The following LPP variants were observed in gnomAD, a reference collection of about 807,000 sequenced individuals.
The protein encoded by LPP is lipoma-preferred partner.
A neutral mutation model predicts 60.4 loss-of-function variants in LPP; 38 were observed. The ratio of observed to expected loss-of-function variants is 0.63; its 90% confidence interval spans 0.49 to 0.83. The LOEUF (loss-of-function observed/expected upper bound fraction) is 0.83. Ranked by LOEUF, LPP falls within the 40% of genes least tolerant of loss-of-function variation. The pLI, the probability that LPP is intolerant of heterozygous loss-of-function variation, is 0.00. For synonymous variants in LPP, 328 were observed against 290.8 expected (o/e 1.13, Z -1.30); for missense variants, 902 against 783.6 (o/e 1.15, Z -1.80).
chr3:188,428,656 A>G (rs1403150802), intron 4 of LPP, among the ~76,000 whole-genome samples: 3 of 150,584 alleles, frequency 2.0e-5, no homozygotes, highest in Non-Finnish European at 4.4e-5. Flanking sequence ...TCTCTCACTG[A>G]TGCTTGAATT....
chr3:188,469,908 T>C (rs2149512648), intron 4 of LPP, among the ~76,000 whole-genome samples: 1 of 152,270 alleles, frequency 6.6e-6, no homozygotes, highest in African/African-American at 2.4e-5. Context: ...TTATAGTTTT[T>C]ATGGTATTTC....
At chr3:188,678,468 A>G (rs1259384454) in intron 7 of LPP, among the ~76,000 whole-genome samples, 2 of 152,182 alleles carry the variant, frequency 1.3e-5, no homozygotes, top group Admixed American at 6.5e-5. Context: ...ATACCAGCAT[A>G]TGTTGTATAT....
chr3:188,559,084 G>C lies in LPP; in HGVS notation c.429+34297G>C, dbSNP rs73194457. Among the ~76,000 whole-genome samples the C allele has an allele frequency of 2.6e-3, 391 of 152,156 alleles. 2 individuals are homozygous for C. Among genetic ancestry groups the C allele is most frequent in the Non-Finnish European group, 4.6e-3 (316 of 68,002 alleles). ...TGACCTTGAACATTTCCTTGCCTCT[G>C]TCTAGGCCTTAGTCTCCCCAGATGT... On this transcript the variant is annotated intron_variant, in intron 6 of 11. Coordinates refer to ENST00000617246, the MANE Select transcript of LPP (RefSeq NM_001375462.1).
At chr3:188,702,423 C>T (rs939245379) in intron 7 of LPP, among the ~76,000 whole-genome samples, 4 of 151,430 alleles carry the variant, frequency 2.6e-5, no homozygotes, top group Admixed American at 6.6e-5. Flanking sequence ...AGCCTTCTTC[C>T]GTCTCAGAAC....
chr3:188,294,994 C>T (rs1747374410), intron 2 of LPP, among the ~76,000 whole-genome samples: 1 of 152,184 alleles, frequency 6.6e-6, no homozygotes, highest in South Asian at 2.1e-4. Flanking sequence ...TGAGTATAGA[C>T]AGCTTTTCCC....
At chr3:188,380,920 AGTT>A (rs1776712826) in intron 3 of LPP, among the ~76,000 whole-genome samples, 1 of 152,244 alleles carries the variant, frequency 6.6e-6, no homozygotes, top group South Asian at 2.1e-4. Context: ...ATCATACAGT[AGTT>A]AAGTTGACTT....
chr3:188,718,617 G>A (rs572873512), intron 8 of LPP, among the ~76,000 whole-genome samples: 24 of 152,242 alleles, frequency 1.6e-4, no homozygotes, highest in Admixed American at 1.0e-3. Flanking sequence ...GTAAGTCTGC[G>A]TGAGGGCAAC....
chr3:188,322,745 T>A (rs1028502942), intron 2 of LPP, among the ~76,000 whole-genome samples: 11 of 152,172 alleles, frequency 7.2e-5, no homozygotes, highest in African/African-American at 2.7e-4. Flanking sequence ...TATTTTCTAG[T>A]TGTATGACTC....
At chr3:188,853,323 G>GC (rs1269148955) in intron 9 of LPP, among the ~76,000 whole-genome samples, 1 of 152,162 alleles carries the variant, frequency 6.6e-6, no homozygotes, top group African/African-American at 2.4e-5. Context: ...ATTACAACTT[G>GC]CCATAGCATA....
rs1450427043 is a variant in LPP at position 188,203,194 on chromosome 3, TTA to T, written c.-189-22203_-189-22202del. On this transcript the variant is annotated intron_variant, in intron 1 of 11. Coordinates refer to ENST00000617246, the MANE Select transcript of LPP (RefSeq NM_001375462.1). Reference sequence around the variant, plus strand: ...TATATATAATTTTATATATTATATATTATATATATTAAATTATAATACAGCAT... The same window carrying T: ...TATATATAATTTTATATATTATATATTATATATTAAATTATAATACAGCAT... Among the ~76,000 whole-genome samples, 8 of 134,078 alleles carry T rather than the reference TTA, an allele frequency of 6.0e-5. No homozygotes were observed. The East Asian group carries it at 6.3e-4, about 11-fold the overall frequency. The allele number at this position is 134,078 out of a possible 152,430, so 88.0% of individuals were successfully genotyped here.
At chr3:188,866,460 T>G in intron 10 of LPP, 82 bp downstream of exon 10, 1 of 1,148,328 alleles carries the variant, frequency 8.7e-7, no homozygotes, top group Non-Finnish European at 1.1e-6. Context: ...GCATACATTC[T>G]TCTCTCTCAG....
In LPP at chr3:188,665,507, TGGA is replaced by T. The variant is rs545026796; in HGVS notation, c.1114-42758_1114-42756del. On this transcript the variant is annotated intron_variant, in intron 7 of 11. Transcript: ENST00000617246. ...GGAGTTTTGCTCTTGTTGCCCAGGC[TGGA>T]GTGCAGTGGTACAATCTCGGCTCAC... Among the ~76,000 whole-genome samples, 341 of 148,898 alleles carry T rather than the reference TGGA, an allele frequency of 2.3e-3. 1 individual carries two copies. Among genetic ancestry groups the T allele is most frequent in the African/African-American group, 8.1e-3 (324 of 40,124 alleles).
intron 7 of LPP, among the ~76,000 whole-genome samples, chr3:188,627,957 A>G (rs1847165942): frequency 6.6e-6 from 1 of 152,166 alleles, no homozygotes; most frequent in African/African-American, 2.4e-5. Context: ...CAATACTAAG[A>G]TCTCTCAAAA....
At chr3:188,663,512 G>A (rs542907487) in intron 7 of LPP, among the ~76,000 whole-genome samples, 6 of 152,154 alleles carry the variant, frequency 3.9e-5, no homozygotes, top group South Asian at 2.1e-4. Flanking sequence ...TGAGTGTCAC[G>A]TACATCGCTA....
At chr3:188,657,614 C>A (rs369038954) in intron 7 of LPP, among the ~76,000 whole-genome samples, 1 of 152,094 alleles carries the variant, frequency 6.6e-6, no homozygotes, top group East Asian at 1.9e-4. Context: ...TATCTATGGG[C>A]CTTTTTTTCT....
chr3:188,601,756 G>A (rs1841216377), intron 6 of LPP, among the ~76,000 whole-genome samples: 1 of 152,098 alleles, frequency 6.6e-6, no homozygotes, highest in Non-Finnish European at 1.5e-5. Flanking sequence ...TTTTCTAAAT[G>A]TGTGGTATTA....
chr3:188,786,226 A>G (rs1446031282), intron 9 of LPP, among the ~76,000 whole-genome samples: 1 of 151,072 alleles, frequency 6.6e-6, no homozygotes, highest in African/African-American at 2.4e-5. Flanking sequence ...CTAAAAATAC[A>G]AAAAAAATTA....
chr3:188,753,298 A>C (rs1728682839), intron 8 of LPP, among the ~76,000 whole-genome samples: 1 of 152,196 alleles, frequency 6.6e-6, no homozygotes, highest in African/African-American at 2.4e-5. Context: ...ATTTTTTGTT[A>C]GTTTCCTTCA....
chr3:188,788,718 A>G lies in LPP; in HGVS notation c.1410+28436A>G, dbSNP rs181892671. Among the ~76,000 whole-genome samples the G allele has an allele frequency of 9.8e-5, 15 of 152,296 alleles. No homozygotes were observed. In the East Asian group the frequency reaches 1.9e-3, roughly 20 times the overall value. ...TACAGAACCCTTTGTATAAGCATCA[A>G]AGGGGTAGCAGTGGGGTAAATGATC... On this transcript the variant is annotated intron_variant, in intron 9 of 11. Coordinates refer to ENST00000617246, the MANE Select transcript of LPP (RefSeq NM_001375462.1).
Sources: allele counts gnomAD v4.1 joint callset (sites outside exome capture counted in the v4.1 genomes callset), GRCh38; gene constraint gnomAD v4.1.1; transcripts MANE v1.5; gene names NCBI Gene and HGNC (gene_info 2026-07-23, HGNC 2026-07-21).